Variants in LAMA2 observed in about 807,000 individuals in gnomAD.
LAMA2 encodes laminin subunit alpha-2.
LAMA2 carries 269 observed loss-of-function variants against 364.8 expected under a neutral mutation model. That is an observed-to-expected ratio of 0.74 (90% confidence interval 0.67 to 0.82). The LOEUF (loss-of-function observed/expected upper bound fraction) is 0.82, where lower values mean the gene tolerates loss of function less well. LAMA2 is among the 40% of genes least tolerant of loss of function. The pLI, the probability that LAMA2 is intolerant of heterozygous loss-of-function variation, is 0.00. For synonymous variants in LAMA2, 1,379 were observed against 1,370.6 expected, an observed-to-expected ratio of 1.01 and a Z score of -0.14; for missense variants, 3,807 against 3,873.2, an observed-to-expected ratio of 0.98 and a Z score of 0.45.
rs142101467 is a variant in LAMA2 at position 129,457,340 on chromosome 6, G to T, written c.6867+846G>T. On this transcript the variant is annotated intron_variant, in intron 48 of 64. Transcript: ENST00000421865. ...TTAGAACTTCATATAAATGTATATG[G>T]TACATAGTAATATATAGTCATATTA... is the stretch of plus-strand genomic sequence containing the variant. Among the ~76,000 whole-genome samples, 137 of 152,072 alleles carry T rather than the reference G, an allele frequency of 9.0e-4. 1 individual carries two copies. The East Asian group carries it at 0.023, about 25-fold the overall frequency.
chr6:129,060,318 T>C (rs1788808214), intron 3 of LAMA2, among the ~76,000 whole-genome samples: 1 of 152,234 alleles, frequency 6.6e-6, no homozygotes, highest in African/African-American at 2.4e-5. Context: ...TGCCTCTCAT[T>C]ACTGAGAGCT....
At chr6:129,062,578 T>C (rs1789003647) in intron 3 of LAMA2, among the ~76,000 whole-genome samples, 1 of 152,182 alleles carries the variant, frequency 6.6e-6, no homozygotes, top group African/African-American at 2.4e-5. Context: ...TAGTATACTC[T>C]AGTGTGCCTC....
chr6:129,391,743 A>G, intron 36 of LAMA2, 90 bp downstream of exon 36: 4 of 1,115,944 alleles, frequency 3.6e-6, no homozygotes, highest in Non-Finnish European at 5.4e-6. Flanking sequence ...ACGTATAAGT[A>G]AAAGATGCTT....
intron 58 of LAMA2, among the ~76,000 whole-genome samples, chr6:129,499,405 A>G (rs541165110): frequency 3.5e-4 from 54 of 152,334 alleles, no homozygotes; most frequent in African/African-American, 1.1e-3. Flanking sequence ...TTCATCTTGC[A>G]ATGACCATTC....
chr6:128,929,929 G>A (rs1779351759), intron 1 of LAMA2: 3 of 791,692 alleles, frequency 3.8e-6, no homozygotes, highest in Non-Finnish European at 4.3e-6. Context: ...GCAGGAGCGC[G>A]GCCCACAGCC....
chr6:129,373,484 G>A (rs1049635954), intron 34 of LAMA2, among the ~76,000 whole-genome samples: 3 of 151,956 alleles, frequency 2.0e-5, no homozygotes, highest in Non-Finnish European at 2.9e-5. Context: ...ATACATATTA[G>A]CTCATATACA....
At chr6:129,429,609 C>A (rs1353156372) in intron 41 of LAMA2, among the ~76,000 whole-genome samples, 2 of 152,188 alleles carry the variant, frequency 1.3e-5, no homozygotes, top group African/African-American at 4.8e-5. Flanking sequence ...TTCTGCTCAG[C>A]AGGTACCTCT....
At chr6:129,425,966 A>G (rs1781305413) in intron 40 of LAMA2, among the ~76,000 whole-genome samples, 1 of 151,748 alleles carries the variant, frequency 6.6e-6, no homozygotes, top group Admixed American at 6.6e-5. Context: ...TTACATTCTT[A>G]CAAAAAGGTA....
chr6:128,914,239 C>G (rs115277532), intron 1 of LAMA2, among the ~76,000 whole-genome samples: 2 of 152,102 alleles, frequency 1.3e-5, no homozygotes, highest in Non-Finnish European at 2.9e-5. Flanking sequence ...TCTGGGATGT[C>G]GTAACAATTT....
intron 37 of LAMA2, among the ~76,000 whole-genome samples, chr6:129,395,032 ATTTGGT>A (rs922340735): frequency 4.6e-5 from 7 of 152,230 alleles, no homozygotes; most frequent in African/African-American, 1.4e-4. Flanking sequence ...CAAATAAATA[ATTTGGT>A]TGCTGCCAAA....
At chr6:129,483,432 C>A (rs1784448396) in intron 55 of LAMA2, among the ~76,000 whole-genome samples, 1 of 151,814 alleles carries the variant, frequency 6.6e-6, no homozygotes, top group Non-Finnish European at 1.5e-5. Context: ...AGACATAAAG[C>A]CCATATGGAG....
rs181998001 is a variant in LAMA2 at position 129,450,047 on chromosome 6, G to A, written c.6430-2941G>A. 1.4e-3 allele frequency among the ~76,000 whole-genome samples: 219 copies of A among 151,852 alleles called. 5 individuals are homozygous for A. In the East Asian group the frequency reaches 0.031, roughly 22 times the overall value. The stretch of plus-strand genomic sequence containing the variant: ...TCTCAATCTCTTGACCTCGTGATCC[G>A]CCTGCCTTGGCCTCCCAAAGTTCTG... On this transcript the variant is annotated intron_variant, in intron 45 of 64. Coordinates refer to ENST00000421865, the MANE Select transcript of LAMA2 (RefSeq NM_000426.4).
chr6:129,496,581 C>A (rs1365693822), intron 58 of LAMA2, among the ~76,000 whole-genome samples: 1 of 152,136 alleles, frequency 6.6e-6, no homozygotes, highest in Admixed American at 6.5e-5. Flanking sequence ...GATCATGAAG[C>A]CACACATATC....
intron 12 of LAMA2, among the ~76,000 whole-genome samples, chr6:129,205,373 C>G (rs553957557): frequency 6.8e-6 from 1 of 147,068 alleles, no homozygotes; most frequent in Non-Finnish European, 1.5e-5. Context: ...GCCTGGGTGA[C>G]AGAGCAAGGG....
At chr6:129,258,280 GTAT>G (rs751188864) in intron 14 of LAMA2, among the ~76,000 whole-genome samples, 28 of 152,024 alleles carry the variant, frequency 1.8e-4, no homozygotes, top group Non-Finnish European at 2.4e-4. Flanking sequence ...CTGAAAATAG[GTAT>G]TATGTGTTCA....
chr6:129,327,395 T>C (rs1396997622), intron 28 of LAMA2, among the ~76,000 whole-genome samples: 1 of 150,912 alleles, frequency 6.6e-6, no homozygotes, highest in East Asian at 1.9e-4. Flanking sequence ...GGGCATAAGA[T>C]TTTTAAGTGA....
At chr6:129,137,419 A>T (rs1777861364) in intron 4 of LAMA2, among the ~76,000 whole-genome samples, 1 of 152,128 alleles carries the variant, frequency 6.6e-6, no homozygotes, top group Non-Finnish European at 1.5e-5. Context: ...AAAAATATAA[A>T]TGGCTCTGCT....
At chr6:129,329,095 G>A (rs1775471746) in intron 29 of LAMA2, among the ~76,000 whole-genome samples, 1 of 152,072 alleles carries the variant, frequency 6.6e-6, no homozygotes, top group Non-Finnish European at 1.5e-5. Context: ...CGTAGTCACT[G>A]TAAGAAATTC....
chr6:129,046,792 T>G (rs1257382059), intron 1 of LAMA2, among the ~76,000 whole-genome samples: 1 of 152,186 alleles, frequency 6.6e-6, no homozygotes, highest in Non-Finnish European at 1.5e-5. Flanking sequence ...TTATATGCCA[T>G]TCCCTCTGCC....
Sources: allele counts gnomAD v4.1 joint callset (sites outside exome capture counted in the v4.1 genomes callset), GRCh38; gene constraint gnomAD v4.1.1; transcripts MANE v1.5; gene names NCBI Gene and HGNC (gene_info 2026-07-23, HGNC 2026-07-21).